ANO5: variants seen among roughly 807,000 people sequenced by gnomAD.
The protein encoded by ANO5 is anoctamin-5.
In ANO5, 109 loss-of-function variants were observed where a neutral mutation model predicts 121.0. That is an observed-to-expected ratio of 0.90 (90% CI 0.77 to 1.06). The LOEUF (loss-of-function observed/expected upper bound fraction) is 1.06, where lower values mean the gene tolerates loss of function less well. ANO5 is among the 50% of genes least tolerant of loss of function. The pLI is 0.00. For missense variants in ANO5, 1,064 were observed against 1,078.5 expected (o/e 0.99, Z 0.19); for synonymous variants, 406 against 359.9 (o/e 1.13, Z -1.45).
upstream of ANO5, chr11:22,192,952 C>T (rs1851692140): frequency 1.0e-6 from 1 of 980,178 alleles, no homozygotes; most frequent in Non-Finnish European, 1.2e-6. Flanking sequence ...TGGAGCCAGC[C>T]GGGCCGGGGG....
chr11:22,198,458 G>A (rs550753249), intron 1 of ANO5, among the ~76,000 whole-genome samples: 92 of 152,252 alleles, frequency 6.0e-4, no homozygotes, highest in African/African-American at 2.1e-3. Context: ...AATAATAGGA[G>A]GTAATCTGGG....
intron 20 of ANO5, among the ~76,000 whole-genome samples, chr11:22,275,309 GACAC>G (rs56171321): frequency 1.7e-4 from 26 of 148,600 alleles, no homozygotes; most frequent in Admixed American, 3.4e-4. Flanking sequence ...ACAATTTAAA[GACAC>G]ACACACACAC....
Position 22,283,045 on chromosome 11 carries a change from A to G in ANO5, c.*3280A>G, listed in dbSNP as rs1243115088. 2.0e-5 allele frequency: 3 copies of G among 152,150 alleles called. No homozygotes were observed. The highest frequency in any genetic ancestry group is 6.6e-5 in the Admixed American group (1 of 15,256). The allele number at this position is 152,150 out of a possible 1,614,324, so 9.4% of individuals were successfully genotyped here. ...TTATGTGTAATAATTCCAGTATTCT[A>G]TTTATTTCAGCATTATGTGAAAAAT... is the stretch of plus-strand genomic sequence containing the variant. On this transcript the variant is annotated 3_prime_UTR_variant, in exon 22 of 22. Coordinates refer to ENST00000324559, the MANE Select transcript of ANO5 (RefSeq NM_213599.3).
At chr11:22,235,848 T>C (rs1853196987) in intron 7 of ANO5, among the ~76,000 whole-genome samples, 2 of 152,170 alleles carry the variant, frequency 1.3e-5, no homozygotes, top group South Asian at 4.1e-4. Context: ...AGTATCCTAC[T>C]TGAAGCCCTA....
chr11:22,199,878 C>T lies in ANO5; in HGVS notation c.41-3926C>T, dbSNP rs192483596. Among the ~76,000 whole-genome samples the T allele has an allele frequency of 7.9e-5, 12 of 152,104 alleles. 1 individual carries two copies. The highest frequency in any genetic ancestry group is 6.8e-3 in the Middle Eastern group (2 of 294). On this transcript the variant is annotated intron_variant, in intron 1 of 21. Coordinates refer to ENST00000324559, the MANE Select transcript of ANO5 (RefSeq NM_213599.3). ...TTCTCTGATTTGCCCCCAAATTCAA[C>T]GAATAATAGGTTCTTTAAAGTTAGA...
At chr11:22,247,413 A>G (rs538641685) in intron 9 of ANO5, among the ~76,000 whole-genome samples, 2 of 148,172 alleles carry the variant, frequency 1.3e-5, no homozygotes, top group African/African-American at 5.3e-5. Flanking sequence ...TTAGATGGAT[A>G]TAAGATTGAA....
intron 1 of ANO5, among the ~76,000 whole-genome samples, chr11:22,196,773 G>T (rs1349531381): frequency 1.3e-5 from 2 of 152,186 alleles, no homozygotes; most frequent in African/African-American, 2.4e-5. Context: ...GGAGACTGAA[G>T]TGGGAGAATC....
At chr11:22,256,703 G>C (rs1298113951) in intron 13 of ANO5, among the ~76,000 whole-genome samples, 3 of 151,984 alleles carry the variant, frequency 2.0e-5, no homozygotes, top group African/African-American at 7.3e-5. Flanking sequence ...TAGCTTTCAT[G>C]GTTTAGAAAT....
intron 7 of ANO5, among the ~76,000 whole-genome samples, chr11:22,234,525 C>A (rs1853150397): frequency 6.6e-6 from 1 of 152,100 alleles, no homozygotes; most frequent in Non-Finnish European, 1.5e-5. Context: ...TTCTTAGTCT[C>A]TCAAACTAAA....
At chr11:22,194,107 C>A (rs1349936245) in intron 1 of ANO5, among the ~76,000 whole-genome samples, 1 of 152,206 alleles carries the variant, frequency 6.6e-6, no homozygotes, top group Admixed American at 6.5e-5. Flanking sequence ...GCTGCTGCTG[C>A]TGCTGCTGCT....
Position 22,270,256 on chromosome 11 carries a change from C to CTGAT in ANO5, c.1899-55_1899-52dup, listed in dbSNP as rs1854557669. The CTGAT allele has an allele frequency of 1.9e-6, 3 of 1,599,222 alleles. No homozygotes were observed. The East Asian group carries it at 6.7e-5, about 36-fold the overall frequency. ...TTTCCAGATCTAACACTCTGATTCT[C>CTGAT]TGATCGCTTTCTTTTTGGTCCTATT... is the stretch of plus-strand genomic sequence containing the variant. On this transcript the variant is annotated intron_variant, in intron 17 of 21. Coordinates refer to ENST00000324559, the MANE Select transcript of ANO5 (RefSeq NM_213599.3).
chr11:22,243,461 G>C (rs1853502597), intron 9 of ANO5, among the ~76,000 whole-genome samples: 1 of 151,804 alleles, frequency 6.6e-6, no homozygotes. Context: ...TTTCCTTTTT[G>C]AGTTTTTGGA....
At chr11:22,262,846 CT>C in intron 16 of ANO5, 99 bp from the exon 17 acceptor site, 1 of 961,700 alleles carries the variant, frequency 1.0e-6, no homozygotes, top group Non-Finnish European at 1.7e-6. Flanking sequence ...CAACCAAAAC[CT>C]TTAGATTCTA....
In ANO5 at chr11:22,274,695, G is replaced by A; in HGVS notation, c.2362G>A (p.Asp788Asn). 6 of 1,613,564 alleles carry A rather than the reference G, an allele frequency of 3.7e-6. No homozygotes were observed. The highest frequency in any genetic ancestry group is 1.3e-5 in the African/African-American group (1 of 74,996). ...TAGCCTGTCAGTATTCCTGATAGCT[G>A]ATTTTCCAAACCACACTGCACCTTC... ...NNSLSVFLIADFPNHTAPSEK... is the reference protein window; with the variant it reads ...NNSLSVFLIANFPNHTAPSEK... The change falls in exon 20 of 22, where the codon GAT becomes AAT. Residue 788 changes from aspartate to asparagine, a missense_variant. Physicochemically the swap from Asp to Asn is conservative, Grantham distance 23. Transcript: ENST00000324559.
intron 7 of ANO5, among the ~76,000 whole-genome samples, chr11:22,229,073 C>A (rs956686469): frequency 6.6e-6 from 1 of 151,830 alleles, no homozygotes; most frequent in Non-Finnish European, 1.5e-5. Context: ...TTCATAATGG[C>A]TATACCAATT....
At chr11:22,193,606 C>G (rs1851719904) in intron 1 of ANO5, 74 bp downstream of exon 1, 2 of 1,547,094 alleles carry the variant, frequency 1.3e-6, no homozygotes, top group Admixed American at 1.8e-5. Flanking sequence ...GGCGCAGAGG[C>G]CCCGGGGGAC....
chr11:22,194,575 A>AGG (rs1851751360), intron 1 of ANO5, among the ~76,000 whole-genome samples: 2 of 152,256 alleles, frequency 1.3e-5, no homozygotes, highest in East Asian at 3.9e-4. Flanking sequence ...CATCACCCCA[A>AGG]ATAGAAACCT....
intron 9 of ANO5, 28 bp downstream of exon 9, chr11:22,239,712 A>G: frequency 6.7e-7 from 1 of 1,502,322 alleles, no homozygotes; most frequent in Non-Finnish European, 9.3e-7. Context: ...GATCAGACCA[A>G]TTAAAACTTG....
chr11:22,244,781 T>G (rs996783909), intron 9 of ANO5, among the ~76,000 whole-genome samples: 1 of 152,074 alleles, frequency 6.6e-6, no homozygotes, highest in Non-Finnish European at 1.5e-5. Context: ...GCTCTTAGAT[T>G]GTTTTACTGG....
Sources: allele counts gnomAD v4.1 joint callset (sites outside exome capture counted in the v4.1 genomes callset), GRCh38; gene constraint gnomAD v4.1.1; transcripts MANE v1.5; gene names NCBI Gene and HGNC (gene_info 2026-07-23, HGNC 2026-07-21).